Variants in CHN2 observed in about 807,000 individuals in gnomAD.
CHN2 encodes the protein chimerin 2, also known as beta-chimaerin.
In CHN2, 35 loss-of-function variants were observed where a neutral mutation model predicts 56.3. That is an observed-to-expected ratio of 0.62 (90% CI 0.47 to 0.82). CHN2 has a LOEUF of 0.82. CHN2 is among the 40% of genes least tolerant of loss of function. The pLI is 0.00. For synonymous variants in CHN2, 210 were observed against 212.8 expected (o/e 0.99, Z 0.12); for missense variants, 491 against 580.5 (o/e 0.85, Z 1.58).
intron 6 of CHN2, among the ~76,000 whole-genome samples, chr7:29,479,203 A>T (rs561634829): frequency 6.6e-6 from 1 of 152,326 alleles, no homozygotes; most frequent in East Asian, 1.9e-4. Context: ...CATCAAACAG[A>T]TGATGCTTTT....
chr7:29,363,543 G>A (rs940689888), intron 2 of CHN2, among the ~76,000 whole-genome samples: 2 of 152,164 alleles, frequency 1.3e-5, no homozygotes, highest in African/African-American at 4.8e-5. Context: ...TCTAGTTGCT[G>A]GGGATTCTGC....
At chr7:29,397,150 A>C (rs1801823924) in intron 4 of CHN2, 1 of 152,234 alleles carries the variant, frequency 6.6e-6, no homozygotes, top group Non-Finnish European at 1.5e-5. Context: ...AGCGATTTTG[A>C]AACACAAAGC....
intron 1 of CHN2, among the ~76,000 whole-genome samples, chr7:29,321,677 TCTC>T (rs1237479184): frequency 6.6e-6 from 1 of 151,490 alleles, no homozygotes; most frequent in African/African-American, 2.4e-5. Context: ...TTCAAGTAAT[TCTC>T]CTGCCTCAGC....
At chr7:29,156,622 T>C (rs1481373483) in intron 2 of CHN2, among the ~76,000 whole-genome samples, 1 of 152,242 alleles carries the variant, frequency 6.6e-6, no homozygotes, top group Non-Finnish European at 1.5e-5. Context: ...GTGGGTTTTT[T>C]TTCCTCTTTA....
At chr7:29,357,318 G>A (rs1376967685) in intron 2 of CHN2, among the ~76,000 whole-genome samples, 1 of 152,154 alleles carries the variant, frequency 6.6e-6, no homozygotes, top group Non-Finnish European at 1.5e-5. Context: ...AGTGAGGGGA[G>A]TATGCCATCC....
intron 1 of CHN2, among the ~76,000 whole-genome samples, chr7:29,273,347 A>ATATATATATATATATATATATGTGTG (rs1790848132): frequency 2.7e-5 from 1 of 37,196 alleles, no homozygotes; most frequent in Non-Finnish European, 4.7e-5. Context: ...ATATGTGTAT[A>ATATATATATATATATATATATGTGTG]TATATATATA....
At chr7:29,263,092 T>C (rs1446139818) in intron 1 of CHN2, among the ~76,000 whole-genome samples, 1 of 152,224 alleles carries the variant, frequency 6.6e-6, no homozygotes, top group African/African-American at 2.4e-5. Flanking sequence ...GAGGCTGGAC[T>C]GTACTGCCGC....
chr7:29,318,676 G>A (rs758547122), intron 1 of CHN2, among the ~76,000 whole-genome samples: 3 of 151,826 alleles, frequency 2.0e-5, no homozygotes, highest in African/African-American at 7.3e-5. Context: ...TTTTACCTTG[G>A]CATTTGCAAA....
upstream of CHN2, chr7:29,193,258 A>T (rs896407497): frequency 6.7e-6 from 1 of 148,262 alleles, no homozygotes; most frequent in African/African-American, 2.5e-5. Context: ...TCCTGGAGGG[A>T]TTTTTTTTTT....
At chr7:29,440,471 A>G (rs1783556275) in intron 6 of CHN2, among the ~76,000 whole-genome samples, 1 of 152,004 alleles carries the variant, frequency 6.6e-6, no homozygotes, top group Admixed American at 6.6e-5. Context: ...CGGGTGGATC[A>G]CCTGAGATCA....
chr7:29,464,022 T>C (rs1785373031), intron 6 of CHN2, among the ~76,000 whole-genome samples: 1 of 152,178 alleles, frequency 6.6e-6, no homozygotes, highest in Non-Finnish European at 1.5e-5. Flanking sequence ...CCTTTTCCAC[T>C]CCCCACAGTG....
chr7:29,457,505 C>T (rs1178216147), intron 6 of CHN2, among the ~76,000 whole-genome samples: 1 of 152,246 alleles, frequency 6.6e-6, no homozygotes, highest in African/African-American at 2.4e-5. Flanking sequence ...ACTCACATAA[C>T]AAAGTATGTT....
intron 1 of CHN2, among the ~76,000 whole-genome samples, chr7:29,336,759 C>CAAAAAAAAAAAAAA (rs5883205): frequency 2.9e-5 from 2 of 68,554 alleles, no homozygotes; most frequent in African/African-American, 6.4e-5. Context: ...GATTCTGTCT[C>CAAAAAAAAAAAAAA]AAAAAAAAAA....
At chr7:29,225,289 T>C (rs1457236449) in intron 1 of CHN2, among the ~76,000 whole-genome samples, 1 of 152,212 alleles carries the variant, frequency 6.6e-6, no homozygotes, top group Non-Finnish European at 1.5e-5. Context: ...GTGTTGTACC[T>C]GGACATAGAG....
chr7:29,152,829 A>G (rs1793789131), intron 2 of CHN2, among the ~76,000 whole-genome samples: 2 of 152,190 alleles, frequency 1.3e-5, no homozygotes, highest in Non-Finnish European at 2.9e-5. Flanking sequence ...AATACACTCG[A>G]TCCTTGTTAT....
At chr7:29,402,317 G>C (rs1802288033) in intron 6 of CHN2, among the ~76,000 whole-genome samples, 1 of 152,122 alleles carries the variant, frequency 6.6e-6, no homozygotes, top group African/African-American at 2.4e-5. Flanking sequence ...AATATAATTT[G>C]CCATTTTCTT....
chr7:29,374,718 A>G (rs1325887510), intron 3 of CHN2, among the ~76,000 whole-genome samples: 3 of 152,122 alleles, frequency 2.0e-5, no homozygotes, highest in Non-Finnish European at 2.9e-5. Context: ...AGGAAAGTAA[A>G]TGGGAAATTA....
chr7:29,355,538 T>C (rs1013228684), intron 2 of CHN2, among the ~76,000 whole-genome samples: 14 of 152,040 alleles, frequency 9.2e-5, no homozygotes, highest in African/African-American at 2.7e-4. Context: ...TAGTACTATA[T>C]GCTTGACTCA....
At chr7:29,467,423 G>A (rs1244200990) in intron 6 of CHN2, among the ~76,000 whole-genome samples, 1 of 152,178 alleles carries the variant, frequency 6.6e-6, no homozygotes, top group Non-Finnish European at 1.5e-5. Flanking sequence ...CAGATCTGTT[G>A]TTGCATAGGG....
Sources: allele counts gnomAD v4.1 joint callset (sites outside exome capture counted in the v4.1 genomes callset), GRCh38; gene constraint gnomAD v4.1.1; transcripts MANE v1.5; gene names NCBI Gene and HGNC (gene_info 2026-07-23, HGNC 2026-07-21).